NOL10: variants seen among roughly 807,000 people sequenced by gnomAD.
NOL10 encodes the protein H_NH0074G24.1.
Under a neutral mutation model 103.5 loss-of-function variants are expected in NOL10, and 58 were observed. That is an observed-to-expected ratio of 0.56 (90% CI 0.45 to 0.70). NOL10 has a LOEUF of 0.70. NOL10 is among the 30% of genes least tolerant of loss of function. The probability of loss-of-function intolerance (pLI) is 0.00; values close to 1 mark genes in which losing one functional copy is unlikely to be tolerated. For missense variants in NOL10, 763 were observed against 807.3 expected (o/e 0.95, Z 0.67); for synonymous variants, 287 against 282.5 (o/e 1.02, Z -0.16).
At chr2:10,604,792 C>G (rs1676159936) in intron 14 of NOL10, 1 of 152,200 alleles carries the variant, frequency 6.6e-6, no homozygotes, top group Non-Finnish European at 1.5e-5. Flanking sequence ...CTACAGTTAA[C>G]TCCATGGATC....
intron 3 of NOL10, among the ~76,000 whole-genome samples, chr2:10,679,584 T>TTTTC (rs1681574275): frequency 6.6e-6 from 1 of 151,688 alleles, no homozygotes; most frequent in Non-Finnish European, 1.5e-5. Flanking sequence ...TTTCTTTCCT[T>TTTTC]TTTCTTTCCT....
intron 13 of NOL10, among the ~76,000 whole-genome samples, chr2:10,625,024 A>G (rs1677372083): frequency 6.6e-6 from 1 of 152,198 alleles, no homozygotes; most frequent in Non-Finnish European, 1.5e-5. Context: ...CCAATCTGAA[A>G]AGCCTACATA....
chr2:10,652,765 C>T (rs781526779), intron 12 of NOL10, among the ~76,000 whole-genome samples: 48 of 152,160 alleles, frequency 3.2e-4, no homozygotes, highest in Admixed American at 5.2e-4. Context: ...CTGGGATAAT[C>T]GCAAAACTTT....
At chr2:10,663,180 A>G in intron 8 of NOL10, 136 bp from the exon 9 acceptor site, 2 of 603,090 alleles carry the variant, frequency 3.3e-6, no homozygotes, top group Admixed American at 2.8e-5. Context: ...TAGTCTGACT[A>G]ACATGGCGAA....
At chr2:10,682,800 T>C (rs992921882) in intron 2 of NOL10, among the ~76,000 whole-genome samples, 7 of 151,990 alleles carry the variant, frequency 4.6e-5, no homozygotes, top group African/African-American at 1.7e-4. Flanking sequence ...AAACTCTTTT[T>C]TTTTGAGACA....
chr2:10,630,086 G>T (rs1424277242), intron 13 of NOL10, among the ~76,000 whole-genome samples: 1 of 152,132 alleles, frequency 6.6e-6, no homozygotes, highest in Non-Finnish European at 1.5e-5. Flanking sequence ...ACCACACCCA[G>T]CTTAATGACT....
intron 13 of NOL10, among the ~76,000 whole-genome samples, chr2:10,615,761 T>C (rs527738940): frequency 6.6e-6 from 1 of 152,036 alleles, no homozygotes; most frequent in African/African-American, 2.4e-5. Flanking sequence ...GCTCTAAGCA[T>C]GGGGGACGAC....
chr2:10,627,010 T>A (rs1363916072), intron 13 of NOL10, among the ~76,000 whole-genome samples: 1 of 152,176 alleles, frequency 6.6e-6, no homozygotes, highest in Non-Finnish European at 1.5e-5. Flanking sequence ...TCCAATAAAT[T>A]GTGATGGGAA....
At chr2:10,573,203 CTTTT>C (rs576017167) in intron 20 of NOL10, among the ~76,000 whole-genome samples, 1 of 150,992 alleles carries the variant, frequency 6.6e-6, no homozygotes, top group African/African-American at 2.4e-5. Flanking sequence ...TCTGTATTTT[CTTTT>C]TTTTTGAGAT....
intron 13 of NOL10, among the ~76,000 whole-genome samples, chr2:10,627,631 C>T (rs1334833029): frequency 2.0e-5 from 3 of 151,734 alleles, no homozygotes; most frequent in Admixed American, 6.6e-5. Context: ...GCTGAGACTG[C>T]GCCACTGCAC....
At chr2:10,670,563 C>T (rs897466272) in intron 6 of NOL10, among the ~76,000 whole-genome samples, 36 of 152,096 alleles carry the variant, frequency 2.4e-4, no homozygotes, top group African/African-American at 8.4e-4. Flanking sequence ...GGTGAAACAT[C>T]GCCTCTACTA....
intron 1 of NOL10, among the ~76,000 whole-genome samples, chr2:10,689,133 C>T (rs1682431706): frequency 6.6e-6 from 1 of 152,172 alleles, no homozygotes; most frequent in African/African-American, 2.4e-5. Flanking sequence ...AGTTTCAGAG[C>T]CTAAGTGTGT....
intron 17 of NOL10, among the ~76,000 whole-genome samples, chr2:10,599,728 ACAG>A (rs1269340675): frequency 6.6e-6 from 1 of 152,194 alleles, no homozygotes; most frequent in Non-Finnish European, 1.5e-5. Context: ...GAAGCAGAAG[ACAG>A]CAAGGGGGAG....
In NOL10 at chr2:10,642,074, C is replaced by G. The variant is rs74549532; in HGVS notation, c.1026+2246G>C. Among the ~76,000 whole-genome samples, 280 of 152,318 alleles carry G rather than the reference C, an allele frequency of 1.8e-3. 11 individuals carry two copies. In the East Asian group the frequency reaches 0.051, roughly 28 times the overall value. On this transcript the variant is annotated intron_variant, in intron 13 of 20. Transcript: ENST00000381685. ...AGAGGAAGATGAAAGAGACCTTTCTCATGATGAAAAGGTTAGGGGCAAGCT... is the reference window on the plus strand; with the variant it reads ...AGAGGAAGATGAAAGAGACCTTTCTGATGATGAAAAGGTTAGGGGCAAGCT...
chr2:10,628,371 A>G (rs1677616130), intron 13 of NOL10, among the ~76,000 whole-genome samples: 1 of 152,148 alleles, frequency 6.6e-6, no homozygotes, highest in Non-Finnish European at 1.5e-5. Context: ...CACTGCCAAC[A>G]TTCTACTTAA....
intron 13 of NOL10, among the ~76,000 whole-genome samples, chr2:10,625,370 A>G (rs1422187269): frequency 6.6e-6 from 1 of 152,028 alleles, no homozygotes; most frequent in Non-Finnish European, 1.5e-5. Flanking sequence ...GGGGAGGGAC[A>G]TAAGAACTCT....
chr2:10,587,017 AAAAT>A (rs200216852), intron 19 of NOL10, among the ~76,000 whole-genome samples: 3,583 of 69,970 alleles, frequency 0.051, 127 homozygotes, highest in Middle Eastern at 0.067. Context: ...CTTTCTAGTG[AAAAT>A]AAATAACACA....
intron 17 of NOL10, among the ~76,000 whole-genome samples, chr2:10,596,858 C>G (rs1018722731): frequency 2.0e-5 from 3 of 152,210 alleles, no homozygotes; most frequent in African/African-American, 7.2e-5. Context: ...ATAGCTCTAA[C>G]CAAAACTCAA....
intron 13 of NOL10, among the ~76,000 whole-genome samples, chr2:10,623,809 AATG>A (rs1677283416): frequency 6.6e-6 from 1 of 152,220 alleles, no homozygotes; most frequent in Admixed American, 6.5e-5. Flanking sequence ...AACATAAATA[AATG>A]ATATTTGCAA....
Sources: allele counts gnomAD v4.1 joint callset (sites outside exome capture counted in the v4.1 genomes callset), GRCh38; gene constraint gnomAD v4.1.1; transcripts MANE v1.5; gene names NCBI Gene and HGNC (gene_info 2026-07-23, HGNC 2026-07-21).